LINGO2: variants seen among roughly 807,000 people sequenced by gnomAD.
The protein encoded by LINGO2 is leucine-rich repeat and immunoglobulin-like domain-containing nogo receptor-interacting protein 2.
In LINGO2, 14 loss-of-function variants were observed where a neutral mutation model predicts 30.6. The ratio of observed to expected loss-of-function variants is 0.46; its 90% CI spans 0.30 to 0.72. The LOEUF is 0.72. Ranked by LOEUF, LINGO2 falls within the 30% of genes least tolerant of loss-of-function variation. LINGO2 has a pLI of 0.07. For missense variants in LINGO2, 729 were observed against 751.7 expected (o/e 0.97, Z 0.35); for synonymous variants, 317 against 288.5 (o/e 1.10, Z -1.00).
At chr9:29,075,325 A>C in the LINGO2 span, among the ~76,000 whole-genome samples, 6 of 152,212 alleles carry the variant, frequency 3.9e-5, no homozygotes, top group African/African-American at 1.4e-4. Flanking sequence ...TAAATGCCAG[A>C]ACATTCAATT....
chr9:28,063,041 T>C (rs1825204608), intron 4 of LINGO2, among the ~76,000 whole-genome samples: 2 of 152,134 alleles, frequency 1.3e-5, no homozygotes, highest in South Asian at 2.1e-4. Flanking sequence ...TTCAGAAAGA[T>C]GTAACAACTT....
At chr9:28,039,125 T>C (rs958632892) in intron 4 of LINGO2, among the ~76,000 whole-genome samples, 2 of 152,206 alleles carry the variant, frequency 1.3e-5, no homozygotes, top group African/African-American at 4.8e-5. Flanking sequence ...GACCTCTATA[T>C]GAACAATTGT....
chr9:28,386,905 A>T (rs10968549), intron 2 of LINGO2, among the ~76,000 whole-genome samples: 90,678 of 151,988 alleles, frequency 0.6, 27,636 homozygotes, highest in Middle Eastern at 0.67. Flanking sequence ...CTAATTTTTT[A>T]AAATTAAGTA....
the LINGO2 span, among the ~76,000 whole-genome samples, chr9:28,948,992 T>G: frequency 1.3e-5 from 2 of 151,980 alleles, no homozygotes; most frequent in African/African-American, 4.8e-5. Context: ...CTCTTATCGG[T>G]TCACTTCAGG....
chr9:29,193,408 T>C, the LINGO2 span, among the ~76,000 whole-genome samples: 1 of 152,144 alleles, frequency 6.6e-6, no homozygotes, highest in Non-Finnish European at 1.5e-5. Context: ...ATATATCATA[T>C]CCTCTCCAGT....
chr9:28,534,742 GA>G (rs1226831896), intron 1 of LINGO2, among the ~76,000 whole-genome samples: 1 of 151,996 alleles, frequency 6.6e-6, no homozygotes, highest in Non-Finnish European at 1.5e-5. Context: ...TAGAACAAAG[GA>G]ATAAGAATTA....
At chr9:28,424,215 T>C (rs1023300600) in intron 2 of LINGO2, among the ~76,000 whole-genome samples, 3 of 152,174 alleles carry the variant, frequency 2.0e-5, no homozygotes, top group African/African-American at 4.8e-5. Context: ...TTCCCAACCA[T>C]TGAAACTAGG....
upstream of LINGO2, among the ~76,000 whole-genome samples, chr9:28,673,208 A>G (rs1829087439): frequency 6.6e-6 from 1 of 152,162 alleles, no homozygotes; most frequent in Admixed American, 6.6e-5. Flanking sequence ...TGTAATTCCT[A>G]AAAAAGTAAA....
intron 2 of LINGO2, among the ~76,000 whole-genome samples, chr9:28,411,634 T>A (rs7869243): frequency 1.3e-5 from 2 of 151,906 alleles, no homozygotes; most frequent in Non-Finnish European, 2.9e-5. Context: ...ATCCATCATA[T>A]GTAGATGCCA....
At chr9:28,092,221 A>C (rs1826112563) in intron 4 of LINGO2, among the ~76,000 whole-genome samples, 1 of 152,206 alleles carries the variant, frequency 6.6e-6, no homozygotes, top group African/African-American at 2.4e-5. Flanking sequence ...ATTATAATTC[A>C]TGCTGCTATA....
the LINGO2 span, among the ~76,000 whole-genome samples, chr9:28,928,811 C>T: frequency 6.6e-6 from 1 of 152,034 alleles, no homozygotes; most frequent in East Asian, 1.9e-4. Context: ...TAAGAATAGC[C>T]TTTCAGGGTA....
At chr9:28,799,478 TCAAA>T in the LINGO2 span, among the ~76,000 whole-genome samples, 1 of 152,058 alleles carries the variant, frequency 6.6e-6, no homozygotes, top group Non-Finnish European at 1.5e-5. Context: ...ATCAAAATTA[TCAAA>T]CAAATGTTTG....
At chr9:28,671,198 C>T (rs1828994943), upstream of LINGO2, among the ~76,000 whole-genome samples, 1 of 151,964 alleles carries the variant, frequency 6.6e-6, no homozygotes, top group Admixed American at 6.6e-5. Flanking sequence ...GAATCAGCAC[C>T]ATGGACGTCT....
At chr9:29,031,312 T>C in the LINGO2 span, among the ~76,000 whole-genome samples, 2 of 152,026 alleles carry the variant, frequency 1.3e-5, no homozygotes, top group African/African-American at 4.8e-5. Flanking sequence ...GAGATGATTC[T>C]CTCTCTGTCG....
chr9:28,867,550 C>A, the LINGO2 span, among the ~76,000 whole-genome samples: 1 of 150,812 alleles, frequency 6.6e-6, no homozygotes, highest in East Asian at 1.9e-4. Context: ...CCATAAATTA[C>A]AGAGAATCAC....
At chr9:29,071,345 C>G in the LINGO2 span, among the ~76,000 whole-genome samples, 2 of 150,700 alleles carry the variant, frequency 1.3e-5, no homozygotes, top group African/African-American at 2.4e-5. Flanking sequence ...GTGCATAACA[C>G]CATGCCTGGC....
At chr9:28,343,017 T>C (rs1373816207) in intron 3 of LINGO2, among the ~76,000 whole-genome samples, 1 of 152,160 alleles carries the variant, frequency 6.6e-6, no homozygotes, top group East Asian at 1.9e-4. Context: ...ATTGCAAAAT[T>C]GGTTTAAACA....
intron 4 of LINGO2, among the ~76,000 whole-genome samples, chr9:28,032,443 C>A (rs1397017166): frequency 6.6e-6 from 1 of 151,722 alleles, no homozygotes; most frequent in African/African-American, 2.4e-5. Flanking sequence ...ATTCACATAA[C>A]TAACTGCTCA....
the LINGO2 span, among the ~76,000 whole-genome samples, chr9:29,155,252 C>A: frequency 1.8e-4 from 27 of 152,166 alleles, no homozygotes; most frequent in South Asian, 2.5e-3. Flanking sequence ...TTCCTTGGAG[C>A]TAGGAATATG....
Sources: gnomAD v4.1 joint callset for allele counts (sites outside exome capture counted in the v4.1 genomes callset) on GRCh38, gnomAD v4.1.1 for gene constraint, MANE v1.5 for transcripts, NCBI Gene and HGNC (gene_info 2026-07-23, HGNC 2026-07-21) for gene names.